Variants in CNTNAP2 observed in about 807,000 individuals in gnomAD.
CNTNAP2 encodes contactin associated protein 2.
Under a neutral mutation model 155.2 loss-of-function variants are expected in CNTNAP2, and 98 were observed. The ratio of observed to expected loss-of-function variants is 0.63; its 90% CI spans 0.54 to 0.75. The LOEUF (loss-of-function observed/expected upper bound fraction) is 0.75. CNTNAP2 is among the 30% of genes least tolerant of loss of function. The probability of loss-of-function intolerance (pLI) is 0.00; values close to 1 mark genes in which losing one functional copy is unlikely to be tolerated. For synonymous variants in CNTNAP2, 651 were observed against 631.2 expected (o/e 1.03, Z -0.47); for missense variants, 1,727 against 1,688.1 (o/e 1.02, Z -0.40).
intron 15 of CNTNAP2, among the ~76,000 whole-genome samples, chr7:148,006,950 C>T (rs563342842): frequency 5.0e-4 from 76 of 152,274 alleles, no homozygotes; most frequent in Non-Finnish European, 8.2e-4. Context: ...TAGACTATTA[C>T]ATCTTTGACT....
chr7:147,085,883 C>T (rs1045234712), intron 4 of CNTNAP2: 5 of 152,174 alleles, frequency 3.3e-5, no homozygotes, highest in Admixed American at 3.3e-4. Context: ...CCCAAATGTC[C>T]TGTGTGTTCC....
Position 147,043,972 on chromosome 7 carries a change from C to T in CNTNAP2, c.468C>T (p.Ala156=). Residue 156 remains alanine (A), a synonymous_variant, in exon 4 of 24, where the codon GCC becomes GCT. Coordinates refer to ENST00000361727, the MANE Select transcript of CNTNAP2 (RefSeq NM_014141.6). ...ACGAATTACAGCATCCGATTATTGC[C>T]CGCTATGTGCGCATAGTGCCTCTGG... The part of the protein sequence containing the change: ...VRHELQHPII[A]RYVRIVPLDW... 6.2e-7 allele frequency: 1 copy of T among 1,614,158 alleles called. No individual in the cohort carries two copies. The highest frequency in any genetic ancestry group is 8.5e-7 in the Non-Finnish European group (1 of 1,180,026).
intron 8 of CNTNAP2, among the ~76,000 whole-genome samples, chr7:147,134,976 T>C (rs890589274): frequency 1.3e-5 from 2 of 151,920 alleles, no homozygotes; most frequent in Non-Finnish European, 2.9e-5. Context: ...GAAGGTAATA[T>C]AGAGACTCTC....
intron 10 of CNTNAP2, among the ~76,000 whole-genome samples, chr7:147,434,967 G>A (rs1018982498): frequency 2.6e-5 from 4 of 152,302 alleles, no homozygotes; most frequent in African/African-American, 9.6e-5. Flanking sequence ...GAGGGTTGAG[G>A]TGGGGGTGCA....
At chr7:147,465,028 GTAT>G (rs1798094511) in intron 10 of CNTNAP2, among the ~76,000 whole-genome samples, 1 of 152,166 alleles carries the variant, frequency 6.6e-6, no homozygotes, top group African/African-American at 2.4e-5. Context: ...CAGCTGGAAG[GTAT>G]TATCCTAAGT....
intron 13 of CNTNAP2, among the ~76,000 whole-genome samples, chr7:147,705,672 G>A (rs755775577): frequency 3.9e-5 from 6 of 152,152 alleles, no homozygotes; most frequent in South Asian, 2.1e-4. Context: ...AACTATTATC[G>A]TATTGGAGTC....
At chr7:146,686,505 A>C (rs2129170807) in intron 1 of CNTNAP2, among the ~76,000 whole-genome samples, 1 of 152,320 alleles carries the variant, frequency 6.6e-6, no homozygotes, top group African/African-American at 2.4e-5. Flanking sequence ...ATACAAATAC[A>C]GACTTATGTA....
intron 4 of CNTNAP2, among the ~76,000 whole-genome samples, chr7:147,045,724 G>A (rs73467031): frequency 0.011 from 1,712 of 152,148 alleles, 35 homozygotes; most frequent in African/African-American, 0.039. Context: ...GCATCATGAC[G>A]GGAAGGCCAG....
intron 11 of CNTNAP2, among the ~76,000 whole-genome samples, chr7:147,522,072 A>C (rs1799237900): frequency 6.6e-6 from 1 of 152,142 alleles, no homozygotes; most frequent in South Asian, 2.1e-4. Flanking sequence ...CATAGATGGC[A>C]CTCTCTCACA....
At chr7:147,740,413 C>T (rs543247402) in intron 13 of CNTNAP2, among the ~76,000 whole-genome samples, 2 of 152,314 alleles carry the variant, frequency 1.3e-5, no homozygotes, top group South Asian at 2.1e-4. Context: ...CACCCTGCTA[C>T]AGCTCGTTCG....
Position 147,033,563 on chromosome 7 carries a change from T to G in CNTNAP2, c.403-10344T>G, listed in dbSNP as rs538993060. On this transcript the variant is annotated intron_variant, in intron 3 of 23. Coordinates refer to ENST00000361727, the MANE Select transcript of CNTNAP2 (RefSeq NM_014141.6). ...AACTACCAATGGTAATAGAACTGGT[T>G]TTTGTACATCCAGAAATAACAAGAC... 6.6e-4 allele frequency among the ~76,000 whole-genome samples: 101 copies of G among 152,132 alleles called. 2 individuals are homozygous for G. The highest frequency in any genetic ancestry group is 2.9e-5 in the Non-Finnish European group (2 of 68,016).
intron 1 of CNTNAP2, among the ~76,000 whole-genome samples, chr7:146,731,298 G>A (rs147195925): frequency 6.6e-6 from 1 of 152,214 alleles, no homozygotes; most frequent in Non-Finnish European, 1.5e-5. Flanking sequence ...GCAGGACTGA[G>A]GCACCAGAGT....
chr7:147,108,585 C>T (rs762714352), intron 5 of CNTNAP2, among the ~76,000 whole-genome samples: 1 of 152,128 alleles, frequency 6.6e-6, no homozygotes, highest in African/African-American at 2.4e-5. Context: ...CAGCAAGGAA[C>T]AAATAGACAA....
chr7:146,960,960 A>T (rs1797546646), intron 3 of CNTNAP2, among the ~76,000 whole-genome samples: 1 of 152,090 alleles, frequency 6.6e-6, no homozygotes, highest in African/African-American at 2.4e-5. Context: ...CTCCTTTTGA[A>T]TTCTTTCTCC....
chr7:148,096,405 C>G (rs1376951030), intron 15 of CNTNAP2, among the ~76,000 whole-genome samples: 1 of 151,912 alleles, frequency 6.6e-6, no homozygotes, highest in Non-Finnish European at 1.5e-5. Flanking sequence ...AAAGTACCCC[C>G]ATTTTGTGTT....
intron 13 of CNTNAP2, among the ~76,000 whole-genome samples, chr7:147,897,537 A>G (rs1390802712): frequency 1.3e-5 from 2 of 152,170 alleles, no homozygotes; most frequent in Non-Finnish European, 2.9e-5. Context: ...AATGCAATGC[A>G]AAAAATGAAT....
intron 15 of CNTNAP2, among the ~76,000 whole-genome samples, chr7:148,022,172 CA>C (rs1470250026): frequency 7.2e-6 from 1 of 139,544 alleles, no homozygotes; most frequent in African/African-American, 2.7e-5. Flanking sequence ...TTTTTGATGA[CA>C]AAAAGAGGGT....
In CNTNAP2 at chr7:148,172,426, T is replaced by C. The variant is rs973891918; in HGVS notation, c.2958T>C (p.Gly986=). 6.2e-7 allele frequency: 1 copy of C among 1,614,146 alleles called. No homozygotes were observed. Among genetic ancestry groups the C allele is most frequent in the Non-Finnish European group, 8.5e-7 (1 of 1,180,020 alleles). Residue 986 remains glycine, a synonymous_variant, in exon 18 of 24, where the codon GGT becomes GGC. Transcript: ENST00000361727. ...GCAAATGCCTAGAGAGATACCACGG[T>C]TACTCCTGCGATTGCTCTAATACTG... is the stretch of plus-strand genomic sequence containing the variant. ...NGGKCLERYH[G]YSCDCSNTAY...
intron 2 of CNTNAP2, among the ~76,000 whole-genome samples, chr7:146,815,762 A>AC (rs1803155412): frequency 1.5e-5 from 2 of 137,788 alleles, no homozygotes; most frequent in South Asian, 4.8e-4. Flanking sequence ...GATATAGAGC[A>AC]CTTTTTTTTT....
Sources: allele counts gnomAD v4.1 joint callset (sites outside exome capture counted in the v4.1 genomes callset), GRCh38; gene constraint gnomAD v4.1.1; transcripts MANE v1.5; gene names NCBI Gene and HGNC (gene_info 2026-07-23, HGNC 2026-07-21).